The following PPP6R1 variants were observed in gnomAD, a reference collection of about 807,000 sequenced individuals.
PPP6R1 encodes the protein protein phosphatase 6 regulatory subunit 1, also known as serine/threonine-protein phosphatase 6 regulatory subunit 1.
Under a neutral mutation model 104.6 loss-of-function variants are expected in PPP6R1, and 39 were observed. The ratio of observed to expected loss-of-function variants is 0.37; its 90% CI spans 0.29 to 0.49. The LOEUF is 0.49. PPP6R1 is among the 20% of genes least tolerant of loss of function. PPP6R1 has a pLI of 0.98. For missense variants in PPP6R1, 1,181 were observed against 1,155.8 expected (o/e 1.02, Z -0.32); for synonymous variants, 549 against 479.0 (o/e 1.15, Z -1.91).
intron 1 of PPP6R1, among the ~76,000 whole-genome samples, chr19:55,248,849 G>A (rs1235409833): frequency 2.0e-5 from 3 of 152,192 alleles, no homozygotes; most frequent in Non-Finnish European, 4.4e-5. Flanking sequence ...CGCCTCTTGG[G>A]CCTCCTTTCC....
chr19:55,249,961 C>T (rs1047384148), intron 1 of PPP6R1, among the ~76,000 whole-genome samples: 10 of 152,236 alleles, frequency 6.6e-5, no homozygotes, highest in African/African-American at 1.9e-4. Flanking sequence ...CACTGACTGA[C>T]CTCCATGCCC....
Position 55,230,305 on chromosome 19 carries a change from T to C in PPP6R1, c.*223A>G. ...CATTCTCTCTATTTGACTCTCTGTA[T>C]CTTTATTCTAGGAGGCAACGCTCCA... is the stretch of plus-strand genomic sequence containing the variant. On this transcript the variant is annotated 3_prime_UTR_variant, in exon 24 of 24. Transcript: ENST00000412770. The C allele has an allele frequency of 3.3e-6, 2 of 605,082 alleles. No homozygotes were observed. Among genetic ancestry groups the C allele is most frequent in the Non-Finnish European group, 5.9e-6 (2 of 340,966 alleles). The allele number at this position is 605,082 out of a possible 1,614,324, so 37.5% of individuals were successfully genotyped here.
rs1335301391 is a variant in PPP6R1 at position 55,239,395 on chromosome 19, A to G, written c.1751+10T>C. On this transcript the variant is annotated intron_variant, in intron 15 of 23. Coordinates refer to ENST00000412770, the MANE Select transcript of PPP6R1 (RefSeq NM_014931.4). Reference sequence around the variant, plus strand: ...GGACAGGGCTGTGACCCTGCGCAGGAGACACTCACTTCACACTCTCCTCCT... The same window carrying G: ...GGACAGGGCTGTGACCCTGCGCAGGGGACACTCACTTCACACTCTCCTCCT... 2 of 1,610,058 alleles carry G rather than the reference A, an allele frequency of 1.2e-6. No homozygotes were observed. Among genetic ancestry groups the G allele is most frequent in the East Asian group, 2.2e-5 (1 of 44,854 alleles).
At chr19:55,256,153 C>T (rs1382086853) in intron 1 of PPP6R1, among the ~76,000 whole-genome samples, 1 of 152,214 alleles carries the variant, frequency 6.6e-6, no homozygotes, top group Non-Finnish European at 1.5e-5. Flanking sequence ...GATGAACCAA[C>T]AAAAGCTAAT....
At position 55,245,040 on chromosome 19, in the gene PPP6R1, A is replaced by G; in HGVS notation, c.618+80T>C. The G allele has an allele frequency of 1.3e-6, 2 of 1,557,274 alleles. No homozygotes were observed. Among genetic ancestry groups the G allele is most frequent in the Non-Finnish European group, 1.7e-6 (2 of 1,146,530 alleles). On this transcript the variant is annotated intron_variant, in intron 5 of 23. Transcript: ENST00000412770. The surrounding 1 kb of genome is among the most constrained non-coding windows in gnomAD (Gnocchi z 6.4). ...GGCGTGAGCCACTGCGTCCAGCCCC[A>G]ATTCCTCTTTTAAAAGTGGGGAAGT...
Position 55,245,322 on chromosome 19 carries a change from G to A in PPP6R1, c.495C>T (p.Leu165=), listed in dbSNP as rs1437401130. ...CCACACAGGTGAGCAGGCGCAGCAG[G>A]AGGTCCATGATGGCCGAGGTGCCAA... ...QHIGTSAIMD[L]LLRLLTCVER... The change falls in exon 4 of 24, where the codon CTC becomes CTT. Residue 165 remains leucine, a synonymous_variant. Coordinates refer to ENST00000412770, the MANE Select transcript of PPP6R1 (RefSeq NM_014931.4). The surrounding 1 kb of genome is among the most constrained non-coding windows in gnomAD (Gnocchi z 6.4). 24 of 1,609,626 alleles carry A rather than the reference G, an allele frequency of 1.5e-5. No homozygotes were observed. Among genetic ancestry groups the A allele is most frequent in the Non-Finnish European group, 1.9e-5 (22 of 1,178,284 alleles).
chr19:55,248,733 C>T (rs1044128231), intron 1 of PPP6R1, among the ~76,000 whole-genome samples: 1 of 152,228 alleles, frequency 6.6e-6, no homozygotes, highest in Non-Finnish European at 1.5e-5. Flanking sequence ...GACAGGGAGA[C>T]GTGGAGCACC....
chr19:55,255,305 A>G (rs1438577984), intron 1 of PPP6R1, among the ~76,000 whole-genome samples: 1 of 152,236 alleles, frequency 6.6e-6, no homozygotes, highest in Non-Finnish European at 1.5e-5. Flanking sequence ...TAAAGGAAAG[A>G]AAGGAAAAGA....
At chr19:55,246,577 C>T (rs375863967) in intron 2 of PPP6R1, among the ~76,000 whole-genome samples, 9 of 152,320 alleles carry the variant, frequency 5.9e-5, no homozygotes, top group African/African-American at 1.4e-4. Context: ...CCGGGCATGT[C>T]GTCACATGCC....
At chr19:55,257,711 G>C (rs1038541511) in intron 1 of PPP6R1, among the ~76,000 whole-genome samples, 1 of 152,180 alleles carries the variant, frequency 6.6e-6, no homozygotes, top group Non-Finnish European at 1.5e-5. Flanking sequence ...AAGTCACCTC[G>C]ATCACGACAC....
intron 1 of PPP6R1, among the ~76,000 whole-genome samples, chr19:55,256,543 G>C (rs2087594937): frequency 6.6e-6 from 1 of 152,216 alleles, no homozygotes; most frequent in Non-Finnish European, 1.5e-5. Context: ...AGGTGTGGTG[G>C]TCCATGCCTA....
At chr19:55,232,278 T>C in intron 17 of PPP6R1, 67 bp from the exon 18 acceptor site, 1 of 1,479,206 alleles carries the variant, frequency 6.8e-7, no homozygotes, top group Non-Finnish European at 9.0e-7. Flanking sequence ...TCCTGTTCCC[T>C]GCAGCCCAGG....
intron 1 of PPP6R1, 151 bp from the exon 2 acceptor site, chr19:55,247,260 C>CGCCCT: frequency 1.3e-6 from 1 of 769,184 alleles, no homozygotes; most frequent in Non-Finnish European, 2.1e-6. Flanking sequence ...GGCCCCGCCC[C>CGCCCT]GGGACTGCCC....
intron 15 of PPP6R1, chr19:55,238,759 G>T (rs1397588192): frequency 6.6e-6 from 1 of 152,286 alleles, no homozygotes; most frequent in Non-Finnish European, 1.5e-5. Context: ...GCCTCCCAAA[G>T]TACTGGGATC....
At chr19:55,231,326 G>A (rs1240904185) in intron 21 of PPP6R1, 84 bp downstream of exon 21, 5 of 1,450,888 alleles carry the variant, frequency 3.4e-6, no homozygotes, top group Admixed American at 2.0e-5. Context: ...GAGCAGCTCA[G>A]GGACAAGATG....
intron 15 of PPP6R1, among the ~76,000 whole-genome samples, chr19:55,238,091 T>C (rs924424903): frequency 2.0e-5 from 3 of 152,050 alleles, no homozygotes; most frequent in African/African-American, 7.2e-5. Context: ...AAAGCAGAGA[T>C]GGTCTCACAA....
intron 15 of PPP6R1, chr19:55,239,127 C>T (rs1005463017): frequency 7.2e-4 from 320 of 443,136 alleles, no homozygotes; most frequent in Non-Finnish European, 9.6e-4. Flanking sequence ...GGGAGGGACC[C>T]GCTCTGTGTC....
Position 55,241,567 on chromosome 19 carries a change from G to A in PPP6R1, c.918C>T (p.Ala306=), listed in dbSNP as rs1175487957. The A allele has an allele frequency of 1.9e-6, 3 of 1,582,064 alleles. No homozygotes were observed. In the South Asian group the frequency reaches 3.5e-5, roughly 18 times the overall value. ...DGQLELLAQG[A]LESTVSSVGA... ...CCACACTGGACACAGTGCTTTCCAGGGCCCCCTGGGCCAGGAGCTCCAGCT... is the reference window on the plus strand; with the variant it reads ...CCACACTGGACACAGTGCTTTCCAGAGCCCCCTGGGCCAGGAGCTCCAGCT... The change falls in exon 8 of 24, where the codon GCC becomes GCT. Residue 306 remains alanine (A), a synonymous_variant. Coordinates refer to ENST00000412770, the MANE Select transcript of PPP6R1 (RefSeq NM_014931.4). This position sits in a 1 kb window ranked among gnomAD's most constrained non-coding sequence, Gnocchi z 5.4.
rs1034744596 is a variant in PPP6R1 at position 55,258,568 on chromosome 19, GGCGCCGGGGCTCGCGGGGTCC to G, written c.-161_-141del. On this transcript the variant is annotated 5_prime_UTR_variant, in exon 1 of 24. Coordinates refer to ENST00000412770, the MANE Select transcript of PPP6R1 (RefSeq NM_014931.4). The stretch of plus-strand genomic sequence containing the variant: ...GGGGGCGGCGTCGGGGACTCGCGCA[GGCGCCGGGGCTCGCGGGGTCC>G]GCGCAGGCGCCCGCGGGTCGTGGGG... 3 of 149,312 alleles carry G rather than the reference GGCGCCGGGGCTCGCGGGGTCC, an allele frequency of 2.0e-5. No individual in the cohort carries two copies. The highest frequency in any genetic ancestry group is 7.4e-5 in the African/African-American group (3 of 40,414). 9.2% of individuals were successfully genotyped at this position (149,312 alleles called of 1,614,324 possible). A position where few individuals can be genotyped will look rare whatever the true frequency, so the allele number is the denominator to read the frequency against.
Sources: allele counts gnomAD v4.1 joint callset (sites outside exome capture counted in the v4.1 genomes callset), GRCh38; gene constraint gnomAD v4.1.1; non-coding constraint Gnocchi (gnomAD v3.1); transcripts MANE v1.5; gene names NCBI Gene and HGNC (gene_info 2026-07-23, HGNC 2026-07-21).